The following OGG1 variants were observed in gnomAD, a reference collection of about 807,000 sequenced individuals.
The protein encoded by OGG1 is N-glycosylase/DNA lyase.
In OGG1, 35 loss-of-function variants were observed where a neutral mutation model predicts 42.3. That is an observed-to-expected ratio of 0.83 (90% CI 0.63 to 1.10). The LOEUF (loss-of-function observed/expected upper bound fraction) is 1.10, where lower values mean the gene tolerates loss of function less well. OGG1 is among the 50% of genes least tolerant of loss of function. The pLI is 0.00. For missense variants in OGG1, 484 were observed against 446.7 expected (o/e 1.08, Z -0.75); for synonymous variants, 189 against 179.0 (o/e 1.06, Z -0.44).
In OGG1 at chr3:9,751,936, G is replaced by C; in HGVS notation, c.552G>C (p.Leu184=). The C allele has an allele frequency of 6.2e-7, 1 of 1,614,100 alleles. No homozygotes were observed. The highest frequency in any genetic ancestry group is 8.5e-7 in the Non-Finnish European group (1 of 1,180,012). ...DDVTYHGFPS[L]QALAGPEVEA... Reference sequence around the variant, plus strand: ...TCACCTACCATGGCTTCCCCAGCCTGCAGGCCCTGGCTGGTGAGTAGGTGG... The same window carrying C: ...TCACCTACCATGGCTTCCCCAGCCTCCAGGCCCTGGCTGGTGAGTAGGTGG... Residue 184 remains leucine (L), a synonymous_variant, in exon 3 of 7, where the codon CTG becomes CTC. Coordinates refer to ENST00000344629, the MANE Select transcript of OGG1 (RefSeq NM_002542.6).
downstream of OGG1, chr3:9,759,638 C>T: frequency 6.2e-7 from 1 of 1,614,050 alleles, no homozygotes; most frequent in Non-Finnish European, 8.5e-7. Flanking sequence ...GGCCCCAAAT[C>T]CCGCCCCAGC....
chr3:9,774,979 T>C (rs2078346665), intron 2 of OGG1, among the ~76,000 whole-genome samples: 1 of 150,768 alleles, frequency 6.6e-6, no homozygotes, highest in African/African-American at 2.4e-5. Context: ...TTTTTTTGGC[T>C]GGGCTCATGC....
downstream of OGG1, chr3:9,760,692 A>C: frequency 6.2e-7 from 1 of 1,613,974 alleles, no homozygotes; most frequent in Non-Finnish European, 8.5e-7. Flanking sequence ...GGAGAGTCAA[A>C]CTCGTACTCG....
At chr3:9,772,545 A>G (rs1424949307) in intron 2 of OGG1, among the ~76,000 whole-genome samples, 1 of 152,140 alleles carries the variant, frequency 6.6e-6, no homozygotes, top group Non-Finnish European at 1.5e-5. Flanking sequence ...GTGAACTTCT[A>G]GTTGGCAGGA....
intron 3 of OGG1, 91 bp downstream of exon 3, chr3:9,752,040 C>T (rs1324591475): frequency 7.8e-7 from 1 of 1,275,998 alleles, no homozygotes; most frequent in Non-Finnish European, 1.1e-6. Context: ...GGCTTCCTGC[C>T]TTCCCAAACA....
chr3:9,765,977 C>T, exon 8 of OGG1: 1 of 1,614,206 alleles, frequency 6.2e-7, no homozygotes, highest in Non-Finnish European at 8.5e-7. Context: ...GTTCTGTGAC[C>T]ACTGCTGGAC....
chr3:9,757,556 G>A (rs935195361), downstream of OGG1: 1 of 1,613,888 alleles, frequency 6.2e-7, no homozygotes, highest in South Asian at 1.1e-5. This position sits in a 1 kb window ranked among gnomAD's most constrained non-coding sequence, Gnocchi z 4.5. Flanking sequence ...TGGTGGGGCA[G>A]TGTGGGGGAC....
At chr3:9,780,933 G>A (rs1219673225) in intron 2 of OGG1, among the ~76,000 whole-genome samples, 1 of 152,122 alleles carries the variant, frequency 6.6e-6, no homozygotes. Context: ...GAGCCCAGGA[G>A]TTCGAGACCA....
intron 3 of OGG1, among the ~76,000 whole-genome samples, chr3:9,752,528 T>TAAAA (rs2077351636): frequency 4.5e-5 from 2 of 44,584 alleles, no homozygotes; most frequent in African/African-American, 2.9e-4. Flanking sequence ...AGACTCTGTC[T>TAAAA]CAAAAAAAAA....
intron 4 of OGG1, 129 bp from the exon 5 acceptor site, chr3:9,756,342 G>A: frequency 1.1e-6 from 1 of 897,158 alleles, no homozygotes; most frequent in South Asian, 1.4e-5. Flanking sequence ...GATAGTATCT[G>A]TTGATTGAGA....
chr3:9,767,674 G>A, downstream of OGG1: 1 of 1,614,140 alleles, frequency 6.2e-7, no homozygotes, highest in Non-Finnish European at 8.5e-7. Flanking sequence ...CACGTGCCCA[G>A]AACATCTCGG....
chr3:9,758,445 A>G (rs539827393), downstream of OGG1: 2 of 154,460 alleles, frequency 1.3e-5, no homozygotes, highest in East Asian at 3.8e-4. Flanking sequence ...TTCCCCCAAC[A>G]TCCATTGCAT....
intron 3 of OGG1, chr3:9,784,046 T>C (rs954721291): frequency 3.1e-6 from 5 of 1,614,030 alleles, no homozygotes; most frequent in Non-Finnish European, 4.2e-6. Context: ...GTCGTGCTTC[T>C]TGGTGCGGTT....
chr3:9,763,545 A>G (rs1023595060), intron 7 of OGG1, among the ~76,000 whole-genome samples: 4 of 152,084 alleles, frequency 2.6e-5, no homozygotes, highest in Admixed American at 2.6e-4. Context: ...ATGGTTTATT[A>G]CCATTTTTTG....
At chr3:9,781,607 G>C (rs1037051168) in intron 3 of OGG1, 2 of 455,940 alleles carry the variant, frequency 4.4e-6, no homozygotes, top group Admixed American at 4.7e-5. Context: ...GGAGGTGGGT[G>C]AGACACCAGA....
chr3:9,780,696 C>G (rs1263037265), intron 2 of OGG1: 2 of 712,042 alleles, frequency 2.8e-6, no homozygotes, highest in Admixed American at 5.9e-5. Flanking sequence ...AGTTACTGAC[C>G]TACACTTACA....
downstream of OGG1, among the ~76,000 whole-genome samples, chr3:9,768,702 G>C (rs2078224574): frequency 6.6e-6 from 1 of 152,212 alleles, no homozygotes; most frequent in African/African-American, 2.4e-5. Flanking sequence ...CCCATCCACA[G>C]ATGAGGCCAA....
intron 3 of OGG1, among the ~76,000 whole-genome samples, chr3:9,753,062 G>T (rs2125538659): frequency 6.7e-6 from 1 of 149,990 alleles, no homozygotes; most frequent in South Asian, 2.1e-4. Flanking sequence ...CAAACAAAAA[G>T]AAACCTGGGT....
At chr3:9,770,627 A>C (rs1470065804), downstream of OGG1, among the ~76,000 whole-genome samples, 1 of 152,188 alleles carries the variant, frequency 6.6e-6, no homozygotes, top group Non-Finnish European at 1.5e-5. Context: ...CCTGAAGGAA[A>C]CAGGCCAAAA....
Sources: gnomAD v4.1 joint callset for allele counts (sites outside exome capture counted in the v4.1 genomes callset) on GRCh38, gnomAD v4.1.1 for gene constraint, Gnocchi (gnomAD v3.1) non-coding constraint, MANE v1.5 for transcripts, NCBI Gene and HGNC (gene_info 2026-07-23, HGNC 2026-07-21) for gene names.